FAM107B: variants seen among roughly 807,000 people sequenced by gnomAD.
FAM107B encodes the protein family with sequence similarity 107 member B.
In FAM107B, 21 loss-of-function variants were observed where a neutral mutation model predicts 31.5. The observed-to-expected ratio is 0.67, with a 90% CI of 0.47 to 0.96. The LOEUF is 0.96. Ranked by LOEUF, FAM107B falls within the 40% of genes least tolerant of loss-of-function variation. The pLI is 0.00. For missense variants in FAM107B, 452 were observed against 377.1 expected (o/e 1.20, Z -1.64); for synonymous variants, 157 against 141.5 (o/e 1.11, Z -0.78).
At chr10:14,659,438 C>T (rs1854165620) in intron 2 of FAM107B, among the ~76,000 whole-genome samples, 1 of 113,990 alleles carries the variant, frequency 8.8e-6, no homozygotes, top group African/African-American at 3.1e-5. Context: ...AAAACTCCGT[C>T]TCAAAACAAA....
chr10:14,767,020 GTATGTATATATATATA>G lies in FAM107B; in HGVS notation c.411+7217_411+7232del, dbSNP rs752856393. ...AACTGCAGAACAATATCCCTGATGT[GTATGTATATATATATA>G]TATATATATATATATATATAGAGAG... is the stretch of plus-strand genomic sequence containing the variant. On this transcript the variant is annotated intron_variant, in intron 1 of 4. Coordinates refer to ENST00000181796, the MANE Select transcript of FAM107B (RefSeq NM_031453.4). Among the ~76,000 whole-genome samples, 15 of 30,404 alleles carry G rather than the reference GTATGTATATATATATA, an allele frequency of 4.9e-4. No individual in the cohort carries two copies. In the South Asian group the frequency reaches 0.026, roughly 53 times the overall value. The allele number at this position is 30,404 out of a possible 152,430, so 19.9% of individuals were successfully genotyped here. A position where few individuals can be genotyped will look rare whatever the true frequency, so the allele number is the denominator to read the frequency against.
chr10:14,680,110 G>C (rs1289212588), intron 1 of FAM107B, among the ~76,000 whole-genome samples: 1 of 152,136 alleles, frequency 6.6e-6, no homozygotes, highest in Non-Finnish European at 1.5e-5. Context: ...ACAGATTTCG[G>C]TATCAGGAGT....
intron 2 of FAM107B, among the ~76,000 whole-genome samples, chr10:14,605,493 G>A (rs945967686): frequency 2.0e-5 from 3 of 152,216 alleles, no homozygotes; most frequent in Non-Finnish European, 2.9e-5. Context: ...GACTAAGACA[G>A]TTTGGGTCAT....
At chr10:14,693,101 T>G (rs896109596) in intron 1 of FAM107B, among the ~76,000 whole-genome samples, 7 of 152,250 alleles carry the variant, frequency 4.6e-5, no homozygotes, top group African/African-American at 1.7e-4. Context: ...TGGTGACTTA[T>G]GTCTTTTATC....
chr10:14,589,124 C>T (rs1222199159), intron 2 of FAM107B, among the ~76,000 whole-genome samples: 3 of 146,188 alleles, frequency 2.1e-5, no homozygotes, highest in East Asian at 2.0e-4. Flanking sequence ...TGCAGTGAGC[C>T]GAGATAACAT....
At chr10:14,693,146 G>A (rs1293717988) in intron 1 of FAM107B, among the ~76,000 whole-genome samples, 1 of 152,182 alleles carries the variant, frequency 6.6e-6, no homozygotes, top group Non-Finnish European at 1.5e-5. Context: ...GTCTACCTCT[G>A]TGTGTGTTTT....
Position 14,658,646 on chromosome 10 carries a change from G to A in FAM107B, c.469+8988C>T, listed in dbSNP as rs559319751. 3.3e-5 allele frequency among the ~76,000 whole-genome samples: 5 copies of A among 152,346 alleles called. No individual in the cohort carries two copies. The South Asian group carries it at 1.0e-3, about 32-fold the overall frequency. ...ACAAAGAGAAAAAGACGCAATTCCA[G>A]TTTCTGACTCATCTGCTTCACTTGA... On this transcript the variant is annotated intron_variant, in intron 2 of 4. Coordinates refer to ENST00000181796, the MANE Select transcript of FAM107B (RefSeq NM_031453.4).
At chr10:14,723,221 C>A in intron 1 of FAM107B, 1 of 528,174 alleles carries the variant, frequency 1.9e-6, no homozygotes, top group Non-Finnish European at 3.7e-6. Context: ...GCAGTGGGAG[C>A]CACAGATCAG....
chr10:14,585,023 C>T (rs1183444005), intron 2 of FAM107B, among the ~76,000 whole-genome samples: 2 of 152,160 alleles, frequency 1.3e-5, no homozygotes, highest in African/African-American at 2.4e-5. Context: ...AATAACCAAT[C>T]AGACCAATAG....
chr10:14,679,987 G>T (rs544667791), intron 1 of FAM107B, among the ~76,000 whole-genome samples: 3 of 152,242 alleles, frequency 2.0e-5, no homozygotes, highest in African/African-American at 7.2e-5. Context: ...CTTGCAAATG[G>T]CCTATTGTGG....
chr10:14,671,905 C>CAAAAA lies in FAM107B; in HGVS notation c.412-4215_412-4214insTTTTT, dbSNP rs1564621080. On this transcript the variant is annotated intron_variant, in intron 1 of 4. Coordinates refer to ENST00000181796, the MANE Select transcript of FAM107B (RefSeq NM_031453.4). ...AAAAACAAAAAAACAAAAAAAAAAC[C>CAAAAA]CTCTATTTCTTTTTAAATCAAACTG... Among the ~76,000 whole-genome samples the CAAAAA allele has an allele frequency of 3.6e-3, 492 of 137,706 alleles. 19 individuals are homozygous for CAAAAA. The highest frequency in any genetic ancestry group is 0.014 in the African/African-American group (474 of 34,580). The allele number at this position is 137,706 out of a possible 152,430, so 90.3% of individuals were successfully genotyped here. A position where few individuals can be genotyped will look rare whatever the true frequency, so the allele number is the denominator to read the frequency against.
intron 1 of FAM107B, among the ~76,000 whole-genome samples, chr10:14,689,194 A>G (rs12771911): frequency 0.16 from 24,478 of 151,824 alleles, 2,406 homozygotes; most frequent in South Asian, 0.3. Context: ...AGCCTGGGCC[A>G]CATAGCAAAA....
intron 1 of FAM107B, among the ~76,000 whole-genome samples, chr10:14,762,752 T>TCACACACA (rs1491112835): frequency 5.1e-5 from 6 of 117,504 alleles, no homozygotes; most frequent in Non-Finnish European, 5.6e-5. Flanking sequence ...TGAAACTCTG[T>TCACACACA]CTCACACACA....
intron 1 of FAM107B, among the ~76,000 whole-genome samples, chr10:14,710,442 A>G (rs1371309716): frequency 5.6e-5 from 2 of 35,438 alleles, no homozygotes; most frequent in Admixed American, 3.8e-4. Flanking sequence ...ACACACACAC[A>G]CACACACACA....
intron 2 of FAM107B, among the ~76,000 whole-genome samples, chr10:14,549,176 T>C (rs1336019161): frequency 2.0e-5 from 3 of 152,206 alleles, no homozygotes; most frequent in Non-Finnish European, 4.4e-5. Context: ...ACATCTATTG[T>C]TTAAGCCACC....
intron 1 of FAM107B, among the ~76,000 whole-genome samples, chr10:14,710,144 G>A (rs964966518): frequency 1.3e-5 from 2 of 152,012 alleles, no homozygotes; most frequent in South Asian, 2.1e-4. Flanking sequence ...AATATCAGAC[G>A]TTAATAACAG....
At chr10:14,631,320 T>G (rs1280682480) in intron 2 of FAM107B, among the ~76,000 whole-genome samples, 1 of 152,168 alleles carries the variant, frequency 6.6e-6, no homozygotes, top group African/African-American at 2.4e-5. Flanking sequence ...CTAGCCAACA[T>G]CCATATAAAG....
chr10:14,649,005 C>T (rs1034031376), intron 2 of FAM107B, among the ~76,000 whole-genome samples: 4 of 152,166 alleles, frequency 2.6e-5, no homozygotes, highest in African/African-American at 7.2e-5. Context: ...AGGTTTCATT[C>T]GTAAGCCAAA....
intron 2 of FAM107B, among the ~76,000 whole-genome samples, chr10:14,626,850 A>G (rs183849521): frequency 1.1e-3 from 167 of 152,286 alleles, no homozygotes; most frequent in African/African-American, 3.7e-3. Flanking sequence ...TTGCATAAAA[A>G]GTACTATGGA....
Sources: gnomAD v4.1 joint callset for allele counts (sites outside exome capture counted in the v4.1 genomes callset) on GRCh38, gnomAD v4.1.1 for gene constraint, MANE v1.5 for transcripts, NCBI Gene and HGNC (gene_info 2026-07-23, HGNC 2026-07-21) for gene names.